DLGAP2: variants seen among roughly 807,000 people sequenced by gnomAD.
DLGAP2 encodes the protein DLG associated protein 2, also known as disks large-associated protein 2.
In DLGAP2, 26 loss-of-function variants were observed where a neutral mutation model predicts 100.3. That is an observed-to-expected ratio of 0.26 (90% CI 0.19 to 0.36). The LOEUF is 0.36. DLGAP2 is among the 10% of genes least tolerant of loss of function. The probability of loss-of-function intolerance (pLI) is 1.00; values close to 1 mark genes in which losing one functional copy is unlikely to be tolerated. For synonymous variants in DLGAP2, 886 were observed against 630.1 expected (o/e 1.41, Z -6.08); for missense variants, 1,858 against 1,453.2 (o/e 1.28, Z -4.53).
chr8:906,876 T>G (rs1798391771), intron 1 of DLGAP2, among the ~76,000 whole-genome samples: 1 of 152,244 alleles, frequency 6.6e-6, no homozygotes, highest in Non-Finnish European at 1.5e-5. Flanking sequence ...TGCACAGAGT[T>G]GAAAATTGGT....
At chr8:1,192,827 C>T (rs1209971650) in intron 2 of DLGAP2, among the ~76,000 whole-genome samples, 8 of 151,944 alleles carry the variant, frequency 5.3e-5, no homozygotes, top group Admixed American at 4.6e-4. Context: ...CCCCACTCCC[C>T]CCACCCCACA....
chr8:1,517,849 CCTGGGGGCAGGGTCAT>C (rs747427128), intron 4 of DLGAP2, among the ~76,000 whole-genome samples: 1 of 152,120 alleles, frequency 6.6e-6, no homozygotes, highest in Non-Finnish European at 1.5e-5. Flanking sequence ...ATAGTGTGGC[CCTGGGGGCAGGGTCAT>C]GGAATAAGAC....
At chr8:877,793 T>C (rs909695033) in intron 1 of DLGAP2, among the ~76,000 whole-genome samples, 3 of 152,200 alleles carry the variant, frequency 2.0e-5, no homozygotes, top group African/African-American at 7.2e-5. Flanking sequence ...CAAATGAGGT[T>C]TGGCTCCTTT....
At chr8:1,525,244 G>A (rs1409727863) in intron 4 of DLGAP2, among the ~76,000 whole-genome samples, 1 of 146,158 alleles carries the variant, frequency 6.8e-6, no homozygotes, top group Admixed American at 7.0e-5. Context: ...CTTTTGGGGA[G>A]CAAACTTACC....
intron 10 of DLGAP2, among the ~76,000 whole-genome samples, chr8:1,671,683 T>C (rs1798694434): frequency 6.6e-6 from 1 of 152,244 alleles, no homozygotes; most frequent in Non-Finnish European, 1.5e-5. Context: ...AGCTCACACC[T>C]CCTATGGCCC....
intron 2 of DLGAP2, among the ~76,000 whole-genome samples, chr8:1,189,960 G>C (rs1245235185): frequency 4.6e-5 from 7 of 152,190 alleles, no homozygotes; most frequent in Non-Finnish European, 8.8e-5. Flanking sequence ...TAGGGTGAAT[G>C]AGATTGCAGC....
intron 3 of DLGAP2, among the ~76,000 whole-genome samples, chr8:1,311,783 G>A (rs115835239): frequency 3.1e-3 from 468 of 152,054 alleles, no homozygotes; most frequent in African/African-American, 0.011. Context: ...AAAAGCCACA[G>A]CCAAGACATC....
intron 1 of DLGAP2, among the ~76,000 whole-genome samples, chr8:744,334 G>T (rs1471006219): frequency 1.3e-5 from 2 of 152,120 alleles, no homozygotes; most frequent in East Asian, 3.9e-4. Flanking sequence ...TGATGTATTG[G>T]AATAGCCACT....
At chr8:1,185,709 T>TCACACA (rs879332226) in intron 2 of DLGAP2, among the ~76,000 whole-genome samples, 2 of 87,186 alleles carry the variant, frequency 2.3e-5, no homozygotes, top group African/African-American at 1.3e-4. Flanking sequence ...ACACTCACAC[T>TCACACA]CACACACACA....
intron 1 of DLGAP2, among the ~76,000 whole-genome samples, chr8:756,184 T>TGTCTGGGAGGAGCTGGC (rs1263925536): frequency 6.6e-6 from 1 of 151,416 alleles, no homozygotes; most frequent in African/African-American, 2.4e-5. Flanking sequence ...GGGCCACGAG[T>TGTCTGGGAGGAGCTGGC]GTCTGGGAGG....
intron 2 of DLGAP2, among the ~76,000 whole-genome samples, chr8:1,052,481 G>A (rs564712854): frequency 2.8e-4 from 43 of 152,350 alleles, no homozygotes; most frequent in Admixed American, 5.9e-4. Flanking sequence ...AGGCAGTGGG[G>A]AGAGGAGGGA....
intron 3 of DLGAP2, among the ~76,000 whole-genome samples, chr8:1,315,163 A>G (rs1326197245): frequency 6.6e-6 from 1 of 152,240 alleles, no homozygotes; most frequent in Non-Finnish European, 1.5e-5. Flanking sequence ...AAGTCAAGAA[A>G]TAACTTGCGA....
At chr8:920,268 G>A (rs1484171570) in intron 2 of DLGAP2, among the ~76,000 whole-genome samples, 2 of 152,206 alleles carry the variant, frequency 1.3e-5, no homozygotes, top group African/African-American at 4.8e-5. Context: ...CAAATTCTGG[G>A]CTCCCAGCAG....
intron 3 of DLGAP2, among the ~76,000 whole-genome samples, chr8:1,389,612 T>C (rs578202883): frequency 3.3e-5 from 5 of 152,074 alleles, no homozygotes; most frequent in African/African-American, 1.2e-4. Flanking sequence ...GCAGCTTGGA[T>C]AGAAAAAAAG....
chr8:1,543,748 T>A (rs1017833388), intron 4 of DLGAP2, among the ~76,000 whole-genome samples: 7 of 152,238 alleles, frequency 4.6e-5, no homozygotes, highest in South Asian at 4.1e-4. Flanking sequence ...TTTCAGGGAA[T>A]CTCTAGGTCA....
chr8:1,289,086 A>G (rs1470123713), intron 3 of DLGAP2, among the ~76,000 whole-genome samples: 2 of 152,168 alleles, frequency 1.3e-5, no homozygotes, highest in Non-Finnish European at 2.9e-5. Context: ...GGGAACTGGC[A>G]ATGCTGATGT....
rs116772179 is a variant in DLGAP2 at position 802,671 on chromosome 8, C to T, written c.18+64846C>T. Among the ~76,000 whole-genome samples the T allele has an allele frequency of 7.2e-3, 1,095 of 152,144 alleles. 9 individuals are homozygous for T. Among genetic ancestry groups the T allele is most frequent in the African/African-American group, 0.024 (1,012 of 41,514 alleles). ...TCAGGGGTCTTTTAGACAGGTTTTC[C>T]CTTGATCGCCGCCCTGCATGGAATT... On this transcript the variant is annotated intron_variant, in intron 1 of 14. Coordinates refer to ENST00000637795, the MANE Select transcript of DLGAP2 (RefSeq NM_001346810.2).
At chr8:1,193,863 G>T (rs1281207174) in intron 2 of DLGAP2, among the ~76,000 whole-genome samples, 1 of 152,102 alleles carries the variant, frequency 6.6e-6, no homozygotes, top group Non-Finnish European at 1.5e-5. Context: ...TCGGCCTCTA[G>T]AGCCTCCGCA....
At position 1,025,144 on chromosome 8, in the gene DLGAP2, G is replaced by A. The variant is rs73673050; in HGVS notation, c.73+117178G>A. ...CATGTGCGTGTGCATGTGTGTGTGC[G>A]TGTGTGTGTGCGCACGTGTGTGTGT... On this transcript the variant is annotated intron_variant, in intron 2 of 14. Coordinates refer to ENST00000637795, the MANE Select transcript of DLGAP2 (RefSeq NM_001346810.2). Among the ~76,000 whole-genome samples the A allele has an allele frequency of 7.9e-5, 12 of 151,696 alleles. No individual in the cohort carries two copies. In the South Asian group the frequency reaches 8.3e-4, roughly 11 times the overall value.
Sources: allele counts gnomAD v4.1 joint callset (sites outside exome capture counted in the v4.1 genomes callset), GRCh38; gene constraint gnomAD v4.1.1; transcripts MANE v1.5; gene names NCBI Gene and HGNC (gene_info 2026-07-23, HGNC 2026-07-21).